Variants in MOB3C observed in about 807,000 individuals in gnomAD.
The protein encoded by MOB3C is MOB kinase activator 3C, also known as MOB1, Mps One Binder kinase activator-like 2C.
A neutral mutation model predicts 19.8 loss-of-function variants in MOB3C; 17 were observed. The ratio of observed to expected loss-of-function variants is 0.86; its 90% CI spans 0.59 to 1.29. The LOEUF (loss-of-function observed/expected upper bound fraction) is 1.29, where lower values mean the gene tolerates loss of function less well. Ranked by LOEUF, MOB3C falls within the 50% of genes most tolerant of loss-of-function variation. The probability of loss-of-function intolerance (pLI) is 0.00; values close to 1 mark genes in which losing one functional copy is unlikely to be tolerated. For synonymous variants in MOB3C, 101 were observed against 119.2 expected (o/e 0.85, Z 0.99); for missense variants, 291 against 301.9 (o/e 0.96, Z 0.27).
rs1313174457 is a variant in MOB3C at position 46,612,670 on chromosome 1, AAAAG to A, written c.418+230_418+233del. Among the ~76,000 whole-genome samples, 237 of 111,112 alleles carry A rather than the reference AAAAG, an allele frequency of 2.1e-3. 7 individuals are homozygous for A. Among genetic ancestry groups the A allele is most frequent in the Middle Eastern group, 0.019 (4 of 216 alleles). The allele number at this position is 111,112 out of a possible 152,430, so 72.9% of individuals were successfully genotyped here. On this transcript the variant is annotated intron_variant, in intron 2 of 3. Transcript: ENST00000319928. ...CTGTCTCAGAAAAGAAAAAAAAAAA[AAAAG>A]AAAGAAAGAAAGAAAAAGAAAAGAA...
At chr1:46,615,114 CT>C in intron 1 of MOB3C, 1 of 1,531,184 alleles carries the variant, frequency 6.5e-7, no homozygotes, top group Non-Finnish European at 9.0e-7. Flanking sequence ...GGGGCAAGTG[CT>C]TCCAAAATCC....
In MOB3C at chr1:46,609,745, C is replaced by T; in HGVS notation, c.622-61G>A. ...GCTCAGCCTACTAGGCAATCCCTTC[C>T]CAAACCATAGGGCCTAGCTGCTCTT... is the stretch of plus-strand genomic sequence containing the variant. On this transcript the variant is annotated intron_variant, in intron 3 of 3. Coordinates refer to ENST00000319928, the MANE Select transcript of MOB3C (RefSeq NM_201403.3). 2.5e-6 allele frequency: 4 copies of T among 1,602,768 alleles called. No individual in the cohort carries two copies. In the East Asian group the frequency reaches 6.7e-5, roughly 27 times the overall value.
intron 1 of MOB3C, 190 bp downstream of exon 1, chr1:46,616,521 C>T (rs996089462): frequency 6.6e-6 from 1 of 151,158 alleles, no homozygotes; most frequent in African/African-American, 2.4e-5. Flanking sequence ...CGTACTCCCC[C>T]ACCCCGACAA....
At chr1:46,613,474 A>G (rs1444716190) in intron 1 of MOB3C, 103 bp from the exon 2 acceptor site, 3 of 1,126,436 alleles carry the variant, frequency 2.7e-6, no homozygotes, top group African/African-American at 1.5e-5. Context: ...GCCTTTGCTC[A>G]ACCTCTGCAT....
intron 1 of MOB3C, chr1:46,615,175 C>G: frequency 1.1e-6 from 1 of 887,912 alleles, no homozygotes. Flanking sequence ...TTGCATGGCC[C>G]CCTTTATGAC....
Position 46,609,339 on chromosome 1 carries a change from A to T in MOB3C, c.*316T>A, listed in dbSNP as rs895852461. 2.2e-6 allele frequency: 1 copy of T among 464,324 alleles called. No individual in the cohort carries two copies. Among genetic ancestry groups the T allele is most frequent in the Non-Finnish European group, 3.9e-6 (1 of 253,394 alleles). 28.8% of individuals were successfully genotyped at this position (464,324 alleles called of 1,614,324 possible). A position where few individuals can be genotyped will look rare whatever the true frequency, so the allele number is the denominator to read the frequency against. On this transcript the variant is annotated 3_prime_UTR_variant, in exon 4 of 4. Transcript: ENST00000319928. The stretch of plus-strand genomic sequence containing the variant: ...ACCTCGGCCACACCCACATTCCTCC[A>T]ATAGGCTTGGGAACCAGCATGGAAG...
chr1:46,613,444 C>A (rs1055309020), intron 1 of MOB3C, 73 bp from the exon 2 acceptor site: 6 of 1,360,112 alleles, frequency 4.4e-6, no homozygotes, highest in Non-Finnish European at 6.0e-6. Context: ...CCCAATTCAT[C>A]ATTTCCCTGT....
In MOB3C at chr1:46,609,553, T is replaced by C; in HGVS notation, c.*102A>G. 2 of 1,441,458 alleles carry C rather than the reference T, an allele frequency of 1.4e-6. No homozygotes were observed. Among genetic ancestry groups the C allele is most frequent in the Non-Finnish European group, 1.9e-6 (2 of 1,028,374 alleles). The allele number at this position is 1,441,458 out of a possible 1,614,324, so 89.3% of individuals were successfully genotyped here. ...CAGAGGCTTTGGGTGTGTGGAGTGA[T>C]TCCAGTGCCTTCAGATTCCTTCAGG... On this transcript the variant is annotated 3_prime_UTR_variant, in exon 4 of 4. Coordinates refer to ENST00000319928, the MANE Select transcript of MOB3C (RefSeq NM_201403.3).
At position 46,609,152 on chromosome 1, in the gene MOB3C, C is replaced by G. The variant is rs1675419157; in HGVS notation, c.*503G>C. On this transcript the variant is annotated 3_prime_UTR_variant, in exon 4 of 4. Transcript: ENST00000319928. ...GATGGTCCCAATCTATTTATCCATC[C>G]ATCCAACATTTATGGAAGGCCTACT... 4.9e-6 allele frequency: 1 copy of G among 202,728 alleles called. No homozygotes were observed. Among genetic ancestry groups the G allele is most frequent in the Admixed American group, 5.3e-5 (1 of 18,890 alleles). 12.6% of individuals were successfully genotyped at this position (202,728 alleles called of 1,614,324 possible). A position where few individuals can be genotyped will look rare whatever the true frequency, so the allele number is the denominator to read the frequency against.
chr1:46,610,312 C>A lies in MOB3C; in HGVS notation c.419-108G>T. 5 of 864,572 alleles carry A rather than the reference C, an allele frequency of 5.8e-6. No homozygotes were observed. The Middle Eastern group carries it at 9.2e-4, about 159-fold the overall frequency. 53.6% of individuals were successfully genotyped at this position (864,572 alleles called of 1,614,324 possible). A position where few individuals can be genotyped will look rare whatever the true frequency, so the allele number is the denominator to read the frequency against. ...CCAGGATGGCTTTTTCCCCAGCACA[C>A]TTTTTAGTACACTTCCCTTTGGAAA... is the stretch of plus-strand genomic sequence containing the variant. On this transcript the variant is annotated intron_variant, in intron 2 of 3. Coordinates refer to ENST00000319928, the MANE Select transcript of MOB3C (RefSeq NM_201403.3).
At position 46,611,699 on chromosome 1, in the gene MOB3C, C is replaced by T. The variant is rs1225132619; in HGVS notation, c.418+1205G>A. Among the ~76,000 whole-genome samples, 3 of 152,160 alleles carry T rather than the reference C, an allele frequency of 2.0e-5. No individual in the cohort carries two copies. Among genetic ancestry groups the T allele is most frequent in the Non-Finnish European group, 4.4e-5 (3 of 68,026 alleles). On this transcript the variant is annotated intron_variant, in intron 2 of 3. Coordinates refer to ENST00000319928, the MANE Select transcript of MOB3C (RefSeq NM_201403.3). This position sits in a 1 kb window ranked among gnomAD's most constrained non-coding sequence, Gnocchi z 4.1. The stretch of plus-strand genomic sequence containing the variant: ...ATCCTGCCCATGTAGACTTGGGGTC[C>T]TGGGCTCCCACAGATCTGAGCCCCA...
intron 2 of MOB3C, among the ~76,000 whole-genome samples, chr1:46,612,658 GA>G (rs112172528): frequency 6.6e-4 from 64 of 97,106 alleles, no homozygotes; most frequent in Non-Finnish European, 9.0e-4. Flanking sequence ...TCTCAGAAAA[GA>G]AAAAAAAAAA....
rs1343810835 is a variant in MOB3C, at chr1:46,610,029, C to G, written c.594G>C (p.Leu198=). The G allele has an allele frequency of 6.2e-7, 1 of 1,614,238 alleles. No homozygotes were observed. Among genetic ancestry groups the G allele is most frequent in the Admixed American group, 1.7e-5 (1 of 60,026 alleles). ...GTGGCTCCAGCTCCCGCTGGTCCAC[C>G]AGACTGAACTCGCGGATGAAGTAGT... ...HFYYFIREFS[L]VDQRELEPLR... The change falls in exon 3 of 4, where the codon CTG becomes CTC. Residue 198 remains leucine, a synonymous_variant. Transcript: ENST00000319928.
chr1:46,612,675 AAAG>A (rs771889201), intron 2 of MOB3C, among the ~76,000 whole-genome samples: 28,172 of 91,512 alleles, frequency 0.31, 3,609 homozygotes, highest in East Asian at 0.71. Context: ...AAAAAAAAAG[AAAG>A]AAAGAAAGAA....
chr1:46,612,670 A>AAAAAAAAG (rs1557916197), intron 2 of MOB3C, among the ~76,000 whole-genome samples: 1 of 111,162 alleles, frequency 9.0e-6, no homozygotes, highest in African/African-American at 2.9e-5. Flanking sequence ...AAAAAAAAAA[A>AAAAAAAAG]AAAGAAAGAA....
rs1675396001 is a variant in MOB3C, at chr1:46,608,069, G to A, written c.*1586C>T. ...CAGGAAACAACCCCAGCCAACCCAA[G>A]GGGCAGTGGGACATGTTGGCCTCAG... is the stretch of plus-strand genomic sequence containing the variant. On this transcript the variant is annotated 3_prime_UTR_variant, in exon 4 of 4. Transcript: ENST00000319928. This position sits in a 1 kb window ranked among gnomAD's most constrained non-coding sequence, Gnocchi z 4.5. 1 of 152,286 alleles carries A rather than the reference G, an allele frequency of 6.6e-6. No individual in the cohort carries two copies. The highest frequency in any genetic ancestry group is 2.4e-5 in the African/African-American group (1 of 41,470). The allele number at this position is 152,286 out of a possible 1,614,324, so 9.4% of individuals were successfully genotyped here.
chr1:46,616,799 A>C lies in MOB3C; in HGVS notation c.-139T>G, dbSNP rs1675569337. On this transcript the variant is annotated 5_prime_UTR_variant, in exon 1 of 4. Coordinates refer to ENST00000319928, the MANE Select transcript of MOB3C (RefSeq NM_201403.3). ...CGCAGTGCCTGTTCTCTCTCCTGTC[A>C]GCCTGTCCGTCTGCCTGTCCTGCCG... 6.6e-6 allele frequency: 1 copy of C among 152,244 alleles called. No homozygotes were observed. The highest frequency in any genetic ancestry group is 1.5e-5 in the Non-Finnish European group (1 of 68,188). 9.4% of individuals were successfully genotyped at this position (152,244 alleles called of 1,614,324 possible).
intron 1 of MOB3C, chr1:46,616,351 C>T (rs902918970): frequency 7.8e-5 from 12 of 152,962 alleles, no homozygotes; most frequent in African/African-American, 2.4e-4. Context: ...GAGGCGAAGA[C>T]TCCACGCTCT....
rs534310378 is a variant in MOB3C, at chr1:46,611,226, G to A, written c.419-1022C>T. Among the ~76,000 whole-genome samples, 2 of 152,270 alleles carry A rather than the reference G, an allele frequency of 1.3e-5. No homozygotes were observed. The highest frequency in any genetic ancestry group is 2.4e-5 in the African/African-American group (1 of 41,550). On this transcript the variant is annotated intron_variant, in intron 2 of 3. Transcript: ENST00000319928. The surrounding 1 kb of genome is among the most constrained non-coding windows in gnomAD (Gnocchi z 4.1). ...TTGCCTCTAATCCTTAGAACAATTC[G>A]CCTGATGTGTCTGATTGTCACTTTA...
Sources: gnomAD v4.1 joint callset for allele counts (sites outside exome capture counted in the v4.1 genomes callset) on GRCh38, gnomAD v4.1.1 for gene constraint, Gnocchi (gnomAD v3.1) non-coding constraint, MANE v1.5 for transcripts, NCBI Gene and HGNC (gene_info 2026-07-23, HGNC 2026-07-21) for gene names.